The following MAP3K7 variants were observed in gnomAD, a reference collection of about 807,000 sequenced individuals.
The protein encoded by MAP3K7 is mitogen-activated protein kinase kinase kinase 7.
In MAP3K7, 21 loss-of-function variants were observed where a neutral mutation model predicts 84.8. The observed-to-expected ratio is 0.25, with a 90% CI of 0.18 to 0.36. The LOEUF is 0.36. Ranked by LOEUF, MAP3K7 falls within the 10% of genes least tolerant of loss-of-function variation. The pLI, the probability that MAP3K7 is intolerant of heterozygous loss-of-function variation, is 1.00. For missense variants in MAP3K7, 503 were observed against 747.7 expected, an observed-to-expected ratio of 0.67 and a Z score of 3.82; for synonymous variants, 241 against 247.7, an observed-to-expected ratio of 0.97 and a Z score of 0.25.
At chr6:90,528,973 T>A (rs1775409424) in intron 13 of MAP3K7, among the ~76,000 whole-genome samples, 1 of 152,192 alleles carries the variant, frequency 6.6e-6, no homozygotes, top group African/African-American at 2.4e-5. Context: ...TGTTAATCCT[T>A]CCCCACCCTG....
intron 13 of MAP3K7, among the ~76,000 whole-genome samples, chr6:90,531,870 C>G (rs2127962003): frequency 6.6e-6 from 1 of 151,126 alleles, no homozygotes; most frequent in South Asian, 2.1e-4. Context: ...GTGGAAGAAT[C>G]ACTTGAACTC....
rs544322620 is a variant in MAP3K7 at position 90,583,329 on chromosome 6, C to A, written c.120+3435G>T. On this transcript the variant is annotated intron_variant, in intron 1 of 16. Coordinates refer to ENST00000369329, the MANE Select transcript of MAP3K7 (RefSeq NM_145331.3). Reference sequence around the variant, plus strand: ...TGGTTATAGAGTACTTCAGAAAGTACTGAGTGACACTGTAAATCCAGTGGA... The same window carrying A: ...TGGTTATAGAGTACTTCAGAAAGTAATGAGTGACACTGTAAATCCAGTGGA... 9.8e-5 allele frequency among the ~76,000 whole-genome samples: 15 copies of A among 152,308 alleles called. No homozygotes were observed. In the South Asian group the frequency reaches 3.1e-3, roughly 32 times the overall value.
chr6:90,586,724 G>T, intron 1 of MAP3K7, 40 bp downstream of exon 1: 1 of 1,546,478 alleles, frequency 6.5e-7, no homozygotes, highest in East Asian at 2.5e-5. Context: ...CGGGGGCGGG[G>T]CAGGCCGGGA....
chr6:90,547,983 C>A, intron 10 of MAP3K7, 64 bp downstream of exon 10: 1 of 1,281,070 alleles, frequency 7.8e-7, no homozygotes, highest in Non-Finnish European at 1.1e-6. Context: ...TAATTAATTT[C>A]AGTTAGTATA....
At chr6:90,517,821 T>C (rs1343375560) in intron 16 of MAP3K7, among the ~76,000 whole-genome samples, 1 of 151,776 alleles carries the variant, frequency 6.6e-6, no homozygotes, top group African/African-American at 2.4e-5. Context: ...CCTATTATCA[T>C]ACATATATAA....
In MAP3K7 at chr6:90,539,658, T is replaced by G. The variant is rs1775792439; in HGVS notation, c.1292-3257A>C. ...CGACCGGCTCTTGAACCAAATATAC[T>G]ATTAAAAAAGTGATATTTTCATCCT... is the stretch of plus-strand genomic sequence containing the variant. On this transcript the variant is annotated intron_variant, in intron 12 of 16. Transcript: ENST00000369329. 3.3e-5 allele frequency among the ~76,000 whole-genome samples: 5 copies of G among 151,878 alleles called. No individual in the cohort carries two copies. In the South Asian group the frequency reaches 1.0e-3, roughly 31 times the overall value.
intron 1 of MAP3K7, among the ~76,000 whole-genome samples, chr6:90,585,727 A>C (rs1260361648): frequency 6.6e-6 from 1 of 151,164 alleles, no homozygotes; most frequent in Non-Finnish European, 1.5e-5. Flanking sequence ...CTGCAGAATA[A>C]AGAAAGGATA....
intron 14 of MAP3K7, among the ~76,000 whole-genome samples, chr6:90,519,885 G>A (rs992602776): frequency 6.6e-6 from 1 of 151,958 alleles, no homozygotes; most frequent in Non-Finnish European, 1.5e-5. Context: ...TTGGTGATGA[G>A]AGTATATTAC....
At chr6:90,552,322 T>TACAAA in intron 7 of MAP3K7, 143 bp from the exon 8 acceptor site, 1 of 725,806 alleles carries the variant, frequency 1.4e-6, no homozygotes, top group Non-Finnish European at 2.2e-6. Flanking sequence ...AAAAGTGCTT[T>TACAAA]GTAATTTTAT....
In MAP3K7 at chr6:90,516,501, T is replaced by A; in HGVS notation, c.1821A>T (p.Ter607CysextTer8). Residue 607 changes from the stop codon to cysteine (C), a stop_lost, in exon 17 of 17, where the codon TGA becomes TGT. Coordinates refer to ENST00000369329, the MANE Select transcript of MAP3K7 (RefSeq NM_145331.3). ...TTCAAAATGTAACGGTCCCAGAGAA[T>A]CATGAAGTGCCTTGTCGTTTCTGCT... ...SQQQKRQGTS[*>C] 1 of 1,609,646 alleles carries A rather than the reference T, an allele frequency of 6.2e-7. No homozygotes were observed. The highest frequency in any genetic ancestry group is 8.5e-7 in the Non-Finnish European group (1 of 1,178,348).
intron 10 of MAP3K7, 143 bp from the exon 11 acceptor site, chr6:90,547,530 G>T: frequency 1.2e-6 from 1 of 846,746 alleles, no homozygotes; most frequent in South Asian, 1.7e-5. Flanking sequence ...GTACGAGAGG[G>T]AGCTACAGGG....
intron 3 of MAP3K7, among the ~76,000 whole-genome samples, chr6:90,568,198 G>T (rs540664511): frequency 8.7e-4 from 133 of 152,076 alleles, no homozygotes; most frequent in African/African-American, 3.2e-3. Flanking sequence ...ATGTAACCTA[G>T]AACTTAAAGT....
intron 2 of MAP3K7, among the ~76,000 whole-genome samples, chr6:90,569,803 C>T (rs1378943736): frequency 6.6e-6 from 1 of 152,040 alleles, no homozygotes; most frequent in Non-Finnish European, 1.5e-5. Context: ...ATGCATCCCG[C>T]TCCACAGCAA....
intron 1 of MAP3K7, among the ~76,000 whole-genome samples, chr6:90,582,239 T>A (rs1263395224): frequency 6.6e-6 from 1 of 152,238 alleles, no homozygotes; most frequent in Non-Finnish European, 1.5e-5. Flanking sequence ...TCGGATCTCA[T>A]TTCTAACGTG....
chr6:90,586,634 G>T (rs1470726359), intron 1 of MAP3K7, 130 bp downstream of exon 1: 1 of 1,250,980 alleles, frequency 8.0e-7, no homozygotes, highest in African/African-American at 1.5e-5. Flanking sequence ...GGGCTGTGGG[G>T]TCTCCCGGGT....
intron 1 of MAP3K7, among the ~76,000 whole-genome samples, chr6:90,575,659 G>C (rs139870000): frequency 3.3e-5 from 5 of 152,184 alleles, no homozygotes; most frequent in African/African-American, 1.2e-4. Context: ...CTACATTAGA[G>C]GTCTGTGGGA....
chr6:90,582,662 C>T (rs1274870369), intron 1 of MAP3K7, among the ~76,000 whole-genome samples: 2 of 152,158 alleles, frequency 1.3e-5, no homozygotes, highest in East Asian at 2.0e-4. Flanking sequence ...TCCCAACCCA[C>T]GATGGTCACT....
chr6:90,524,239 A>G (rs1288491390), intron 13 of MAP3K7, among the ~76,000 whole-genome samples: 3 of 150,306 alleles, frequency 2.0e-5, no homozygotes, highest in Non-Finnish European at 4.5e-5. Flanking sequence ...CTCAACTAGG[A>G]AAAAAAAAAT....
intron 12 of MAP3K7, among the ~76,000 whole-genome samples, chr6:90,540,239 G>T (rs143135765): frequency 2.0e-5 from 3 of 151,742 alleles, no homozygotes; most frequent in Non-Finnish European, 4.4e-5. Context: ...GCATTTTATT[G>T]CTCTCGAATG....
Sources: allele counts gnomAD v4.1 joint callset (sites outside exome capture counted in the v4.1 genomes callset), GRCh38; gene constraint gnomAD v4.1.1; transcripts MANE v1.5; gene names NCBI Gene and HGNC (gene_info 2026-07-23, HGNC 2026-07-21).